MTMR8: variants seen among roughly 807,000 people sequenced by gnomAD.
MTMR8 encodes phosphatidylinositol-3,5-bisphosphate 3-phosphatase MTMR8.
MTMR8 carries 65 observed loss-of-function variants against 39.3 expected under a neutral mutation model. The ratio of observed to expected loss-of-function variants is 1.65; its 90% CI spans 1.35 to 2.03. MTMR8 has a LOEUF of 2.03. Among genes scored for constraint, MTMR8 ranks in the 30% most tolerant of loss-of-function variants. The probability of loss-of-function intolerance (pLI) is 0.00; values close to 1 mark genes in which losing one functional copy is unlikely to be tolerated. For synonymous variants in MTMR8, 245 were observed against 185.2 expected, an observed-to-expected ratio of 1.32 and a Z score of -2.62; for missense variants, 777 against 538.9, an observed-to-expected ratio of 1.44 and a Z score of -4.37.
intron 12 of MTMR8, among the ~76,000 whole-genome samples, chrX:64,286,626 G>C (rs1301630256): frequency 8.9e-6 from 1 of 111,790 alleles, no homozygotes; most frequent in Non-Finnish European, 1.9e-5. Context: ...GATCAAGTGG[G>C]CTTTATCCCT....
intron 10 of MTMR8, among the ~76,000 whole-genome samples, chrX:64,335,571 A>C (rs937094271): frequency 4.4e-5 from 5 of 112,442 alleles, no homozygotes; most frequent in Non-Finnish European, 9.4e-5. Context: ...GGTTTATAGC[A>C]GACAACAGAT....
chrX:64,302,169 C>T (rs977241138), intron 12 of MTMR8, among the ~76,000 whole-genome samples: 1 of 112,671 alleles, frequency 8.9e-6, no homozygotes, highest in African/African-American at 3.2e-5. Context: ...CCCAGCCTCG[C>T]TGCTGCCTTG....
chrX:64,301,790 C>G (rs768536732), intron 12 of MTMR8, among the ~76,000 whole-genome samples: 97 of 111,842 alleles, frequency 8.7e-4, no homozygotes, highest in Non-Finnish European at 1.5e-3. Flanking sequence ...AGTTTTCCTT[C>G]TAACAGACAG....
chrX:64,307,780 T>C (rs1177364259), intron 12 of MTMR8, among the ~76,000 whole-genome samples: 1 of 112,254 alleles, frequency 8.9e-6, no homozygotes, highest in Non-Finnish European at 1.9e-5. Context: ...TGCATACCAA[T>C]TTGGGAAGGG....
intron 12 of MTMR8, among the ~76,000 whole-genome samples, chrX:64,281,096 T>A (rs889298986): frequency 2.7e-5 from 3 of 111,618 alleles, no homozygotes; most frequent in African/African-American, 9.8e-5. Flanking sequence ...ATAGGAAGAA[T>A]CAGTATCACG....
At chrX:64,307,692 C>G (rs1360537125) in intron 12 of MTMR8, among the ~76,000 whole-genome samples, 2 of 111,737 alleles carry the variant, frequency 1.8e-5, no homozygotes, top group African/African-American at 6.5e-5. Flanking sequence ...GCTGACTTTA[C>G]ATACACATTT....
intron 12 of MTMR8, among the ~76,000 whole-genome samples, chrX:64,276,612 A>G (rs1931876726): frequency 4.5e-5 from 5 of 111,903 alleles, no homozygotes. Context: ...CTTAATCCTG[A>G]GTTCTAAATT....
At chrX:64,314,327 G>A (rs763404016) in intron 12 of MTMR8, among the ~76,000 whole-genome samples, 19 of 112,900 alleles carry the variant, frequency 1.7e-4, no homozygotes, top group African/African-American at 5.8e-4. Context: ...GCTAGGAGGT[G>A]CCAGCATGCC....
intron 12 of MTMR8, among the ~76,000 whole-genome samples, chrX:64,287,041 C>T (rs1457104583): frequency 5.4e-5 from 6 of 111,728 alleles, no homozygotes; most frequent in African/African-American, 1.6e-4. Flanking sequence ...TTGCAGATGA[C>T]ATGATTGTAT....
At chrX:64,300,089 A>G (rs749742660) in intron 12 of MTMR8, among the ~76,000 whole-genome samples, 1 of 100,482 alleles carries the variant, frequency 1.0e-5, no homozygotes, top group African/African-American at 3.7e-5. Context: ...GTAGATGTCT[A>G]TTAGGTCTGC....
chrX:64,268,525 T>A lies in MTMR8; in HGVS notation c.*12A>T. The A allele has an allele frequency of 8.4e-7, 1 of 1,192,476 alleles. No individual in the cohort carries two copies. The highest frequency in any genetic ancestry group is 1.1e-6 in the Non-Finnish European group (1 of 886,802). The stretch of plus-strand genomic sequence containing the variant: ...CTGTAGGTATACCTAGCATGGAAGA[T>A]GAGTAACTAACTCACTGATGCTTGG... On this transcript the variant is annotated 3_prime_UTR_variant, in exon 14 of 14. Transcript: ENST00000374852.
intron 8 of MTMR8, among the ~76,000 whole-genome samples, chrX:64,339,170 C>T (rs369187260): frequency 9.0e-6 from 1 of 110,930 alleles, no homozygotes; most frequent in Non-Finnish European, 1.9e-5. Flanking sequence ...GTTGATGCTG[C>T]CCAGGCAGAG....
chrX:64,346,326 A>G (rs1475726550), intron 6 of MTMR8, among the ~76,000 whole-genome samples: 4 of 111,417 alleles, frequency 3.6e-5, no homozygotes, highest in Non-Finnish European at 7.5e-5. Context: ...TAGAACATGC[A>G]GAGGGAAAAA....
chrX:64,392,358 C>A (rs1924710945), intron 1 of MTMR8, among the ~76,000 whole-genome samples: 1 of 112,160 alleles, frequency 8.9e-6, no homozygotes, highest in African/African-American at 3.2e-5. Flanking sequence ...CATAATATAG[C>A]AATGAGAATG....
chrX:64,340,561 T>G (rs1333352821), intron 8 of MTMR8, among the ~76,000 whole-genome samples: 2 of 111,634 alleles, frequency 1.8e-5, no homozygotes, highest in Admixed American at 1.9e-4. Flanking sequence ...CAATGAGTAA[T>G]CTTTGTAATA....
At chrX:64,285,458 C>A (rs1197326682) in intron 12 of MTMR8, among the ~76,000 whole-genome samples, 2 of 111,384 alleles carry the variant, frequency 1.8e-5, no homozygotes, top group Non-Finnish European at 3.8e-5. Flanking sequence ...GAATTCAGCT[C>A]TGCACCAAGC....
At position 64,326,598 on chromosome X, in the gene MTMR8, T is replaced by C. The variant is rs186751305; in HGVS notation, c.1481+2174A>G. 5.7e-3 allele frequency among the ~76,000 whole-genome samples: 629 copies of C among 111,037 alleles called. 19 individuals carry two copies. Among genetic ancestry groups the C allele is most frequent in the Admixed American group, 0.052 (546 of 10,424 alleles). ...CTTCATGGACTGGAAGAATTAATAT[T>C]GTTAAAGTGTCTACACTACCCAAAG... On this transcript the variant is annotated intron_variant, in intron 12 of 13. Coordinates refer to ENST00000374852, the MANE Select transcript of MTMR8 (RefSeq NM_017677.4).
Position 64,375,783 on chromosome X carries a change from C to T in MTMR8, c.25-16256G>A, listed in dbSNP as rs150541788. ...ACTTCACATCCTCCAGAACTGTGAG[C>T]AATAAATTCTATTGTCTCACTGAGC... On this transcript the variant is annotated intron_variant, in intron 1 of 13. Coordinates refer to ENST00000374852, the MANE Select transcript of MTMR8 (RefSeq NM_017677.4). Among the ~76,000 whole-genome samples the T allele has an allele frequency of 6.4e-3, 710 of 111,681 alleles. 6 individuals are homozygous for T. The highest frequency in any genetic ancestry group is 0.022 in the African/African-American group (670 of 30,732).
At chrX:64,386,861 T>C (rs749665468) in intron 1 of MTMR8, among the ~76,000 whole-genome samples, 29 of 107,584 alleles carry the variant, frequency 2.7e-4, no homozygotes, top group Non-Finnish European at 7.7e-5. Context: ...CTGGGCAACA[T>C]AGTGAGACCT....
Sources: allele counts gnomAD v4.1 joint callset (sites outside exome capture counted in the v4.1 genomes callset), GRCh38; gene constraint gnomAD v4.1.1; transcripts MANE v1.5; gene names NCBI Gene and HGNC (gene_info 2026-07-23, HGNC 2026-07-21).